Variants in PARVA observed in about 807,000 individuals in gnomAD.
PARVA encodes alpha-parvin.
A neutral mutation model predicts 52.6 loss-of-function variants in PARVA; 25 were observed. The observed-to-expected ratio is 0.48, with a 90% CI of 0.35 to 0.66. The LOEUF (loss-of-function observed/expected upper bound fraction) is 0.66. Among genes scored for constraint, PARVA ranks in the 30% least tolerant of loss-of-function variants. The pLI, the probability that PARVA is intolerant of heterozygous loss-of-function variation, is 0.01. For synonymous variants in PARVA, 185 were observed against 179.1 expected (o/e 1.03, Z -0.26); for missense variants, 373 against 450.9 (o/e 0.83, Z 1.56).
intron 1 of PARVA, among the ~76,000 whole-genome samples, chr11:12,421,643 G>A (rs1940151476): frequency 6.6e-6 from 1 of 152,200 alleles, no homozygotes; most frequent in African/African-American, 2.4e-5. Flanking sequence ...ACCATGGGCT[G>A]TCACAAACCA....
rs909760762 is a variant in PARVA at position 12,531,226 on chromosome 11, G to T, written c.*3301G>T. On this transcript the variant is annotated 3_prime_UTR_variant, in exon 13 of 13. Transcript: ENST00000334956. ...ACAGAGATGACATTTCCCGATCTGG[G>T]AGAAGGCTTCTTTATCAGCACATCA... Among the ~76,000 whole-genome samples the T allele has an allele frequency of 6.6e-6, 1 of 152,214 alleles. No individual in the cohort carries two copies. The highest frequency in any genetic ancestry group is 2.4e-5 in the African/African-American group (1 of 41,452).
In PARVA at chr11:12,473,686, G is replaced by T. The variant is rs555586727; in HGVS notation, c.137-59G>T. 1.4e-5 allele frequency: 18 copies of T among 1,292,220 alleles called. No individual in the cohort carries two copies. In the African/African-American group the frequency reaches 2.2e-4, roughly 16 times the overall value. The allele number at this position is 1,292,220 out of a possible 1,614,324, so 80.0% of individuals were successfully genotyped here. ...CAATATCGAACACCCTTGTTACAGA[G>T]CTCCAACCCCCTGCCGTCCGTCAGC... On this transcript the variant is annotated intron_variant, in intron 1 of 12. Transcript: ENST00000334956.
chr11:12,469,823 G>C (rs1447285315), intron 1 of PARVA, among the ~76,000 whole-genome samples: 1 of 152,150 alleles, frequency 6.6e-6, no homozygotes, highest in East Asian at 1.9e-4. Context: ...CAGGGCAGAG[G>C]GGAATGTTTC....
rs1941787999 is a variant in PARVA, at chr11:12,532,772, C to G, written c.*4847C>G. Among the ~76,000 whole-genome samples the G allele has an allele frequency of 6.6e-6, 1 of 152,176 alleles. No homozygotes were observed. The highest frequency in any genetic ancestry group is 2.1e-4 in the South Asian group (1 of 4,818). ...CAGGGCGCACCACGGAGGAGGATCC[C>G]CAGACAAGAAGACCTGGCTCCCCAG... On this transcript the variant is annotated 3_prime_UTR_variant, in exon 13 of 13. Coordinates refer to ENST00000334956, the MANE Select transcript of PARVA (RefSeq NM_018222.5).
At chr11:12,525,111 T>C (rs968049881) in intron 12 of PARVA, among the ~76,000 whole-genome samples, 3 of 152,150 alleles carry the variant, frequency 2.0e-5, no homozygotes, top group African/African-American at 4.8e-5. Flanking sequence ...GTGACTGTGA[T>C]ACATAGTGAG....
chr11:12,456,966 T>C (rs1940705771), intron 1 of PARVA, among the ~76,000 whole-genome samples: 1 of 152,170 alleles, frequency 6.6e-6, no homozygotes, highest in South Asian at 2.1e-4. Flanking sequence ...ATGGGTAAAA[T>C]GTTATCTTCT....
intron 1 of PARVA, among the ~76,000 whole-genome samples, chr11:12,392,659 A>G (rs745929991): frequency 6.6e-6 from 1 of 152,240 alleles, no homozygotes; most frequent in Non-Finnish European, 1.5e-5. Context: ...TTTGGCAATT[A>G]TGAATAATGT....
Position 12,426,404 on chromosome 11 carries a change from A to T in PARVA, c.137-47341A>T, listed in dbSNP as rs531886275. Among the ~76,000 whole-genome samples, 16 of 151,720 alleles carry T rather than the reference A, an allele frequency of 1.1e-4. No homozygotes were observed. In the East Asian group the frequency reaches 3.2e-3, roughly 30 times the overall value. ...TGGAGCATGGTGAGTAAGGAGGGGG[A>T]GTGGCATGGGGTGAGGCAGGCCCTG... On this transcript the variant is annotated intron_variant, in intron 1 of 12. Coordinates refer to ENST00000334956, the MANE Select transcript of PARVA (RefSeq NM_018222.5).
intron 1 of PARVA, 48 bp downstream of exon 1, chr11:12,377,831 C>G (rs757290566): frequency 6.4e-6 from 9 of 1,416,178 alleles, no homozygotes; most frequent in South Asian, 5.7e-5. Context: ...CCGGGGGTGC[C>G]GTAGGGGCCG....
chr11:12,450,826 G>A (rs532327652), intron 1 of PARVA, among the ~76,000 whole-genome samples: 65 of 152,250 alleles, frequency 4.3e-4, no homozygotes, highest in Middle Eastern at 6.8e-3. Flanking sequence ...GATGAAGGCC[G>A]GAAGACTCAG....
At chr11:12,488,118 G>T (rs976001516) in intron 4 of PARVA, among the ~76,000 whole-genome samples, 6 of 152,110 alleles carry the variant, frequency 3.9e-5, no homozygotes, top group African/African-American at 7.2e-5. Flanking sequence ...ATATGATAAA[G>T]ACCACTAAAT....
chr11:12,481,035 G>C (rs1162148917), intron 4 of PARVA, among the ~76,000 whole-genome samples: 2 of 152,052 alleles, frequency 1.3e-5, no homozygotes, highest in Non-Finnish European at 1.5e-5. Context: ...GTATCTGCCA[G>C]ATTTCTTCAT....
chr11:12,391,540 G>T (rs543926188), intron 1 of PARVA, among the ~76,000 whole-genome samples: 1 of 152,332 alleles, frequency 6.6e-6, no homozygotes, highest in Admixed American at 6.5e-5. Context: ...GGGTTGGAAG[G>T]TTGTGTTTGT....
chr11:12,516,069 G>A lies in PARVA; in HGVS notation c.868-1541G>A, dbSNP rs531432224. ...GCCCAGGCCAGTCTGGAACTCCTGA[G>A]CTCAAGCGATCCGCCTGCCTCAGCC... On this transcript the variant is annotated intron_variant, in intron 10 of 12. Coordinates refer to ENST00000334956, the MANE Select transcript of PARVA (RefSeq NM_018222.5). Among the ~76,000 whole-genome samples, 10 of 152,288 alleles carry A rather than the reference G, an allele frequency of 6.6e-5. No homozygotes were observed. In the South Asian group the frequency reaches 1.5e-3, roughly 22 times the overall value.
chr11:12,436,884 C>A (rs1011099693), intron 1 of PARVA, among the ~76,000 whole-genome samples: 3 of 152,118 alleles, frequency 2.0e-5, no homozygotes, highest in African/African-American at 4.8e-5. Context: ...AGAACAACTC[C>A]AGAGTTTCAA....
At chr11:12,522,865 G>C (rs1362614836) in intron 12 of PARVA, among the ~76,000 whole-genome samples, 1 of 151,852 alleles carries the variant, frequency 6.6e-6, no homozygotes, top group Non-Finnish European at 1.5e-5. Flanking sequence ...AACATTTGAA[G>C]CTACTGTTCA....
intron 1 of PARVA, among the ~76,000 whole-genome samples, chr11:12,459,488 G>A (rs559192085): frequency 5.3e-5 from 8 of 152,162 alleles, no homozygotes; most frequent in South Asian, 2.1e-4. Flanking sequence ...AACTGTGCAC[G>A]AGTTCCCAGA....
Position 12,532,760 on chromosome 11 carries a change from G to A in PARVA, c.*4835G>A, listed in dbSNP as rs557971405. 2.6e-5 allele frequency among the ~76,000 whole-genome samples: 4 copies of A among 152,308 alleles called. No individual in the cohort carries two copies. In the South Asian group the frequency reaches 6.2e-4, roughly 24 times the overall value. On this transcript the variant is annotated 3_prime_UTR_variant, in exon 13 of 13. Transcript: ENST00000334956. ...AGCCTGCCACTCCAGGGCGCACCAC[G>A]GAGGAGGATCCCCAGACAAGAAGAC...
chr11:12,464,252 C>G (rs1445219797), intron 1 of PARVA, among the ~76,000 whole-genome samples: 1 of 152,108 alleles, frequency 6.6e-6, no homozygotes, highest in Non-Finnish European at 1.5e-5. Context: ...ATCTTGTAAC[C>G]ATCTGTATCT....
Sources: allele counts gnomAD v4.1 joint callset (sites outside exome capture counted in the v4.1 genomes callset), GRCh38; gene constraint gnomAD v4.1.1; transcripts MANE v1.5; gene names NCBI Gene and HGNC (gene_info 2026-07-23, HGNC 2026-07-21).